Variants in EHHADH observed in about 807,000 individuals in gnomAD.
EHHADH encodes the protein enoyl-CoA hydratase and 3-hydroxyacyl CoA dehydrogenase.
A neutral mutation model predicts 64.4 loss-of-function variants in EHHADH; 48 were observed. That is an observed-to-expected ratio of 0.75 (90% CI 0.59 to 0.95). The LOEUF is 0.95. EHHADH is among the 40% of genes least tolerant of loss of function. The probability of loss-of-function intolerance (pLI) is 0.00; values close to 1 mark genes in which losing one functional copy is unlikely to be tolerated. For missense variants in EHHADH, 854 were observed against 876.6 expected, an observed-to-expected ratio of 0.97 and a Z score of 0.33; for synonymous variants, 308 against 326.7, an observed-to-expected ratio of 0.94 and a Z score of 0.62.
chr3:185,193,057 G>T lies in EHHADH; in HGVS notation c.1341C>A (p.Pro447=). The T allele has an allele frequency of 6.2e-7, 1 of 1,614,130 alleles. No individual in the cohort carries two copies. Among genetic ancestry groups the T allele is most frequent in the Non-Finnish European group, 8.5e-7 (1 of 1,180,026 alleles). The change falls in exon 7 of 7, where the codon CCC becomes CCA. Residue 447 remains proline (P), a synonymous_variant. Transcript: ENST00000231887. Reference sequence around the variant, plus strand: ...TGGTAGTGGGGGAAGAGTATTGGCTGGGAATAACCTCTAACAACTTCATGA... The same window carrying T: ...TGGTAGTGGGGGAAGAGTATTGGCTTGGAATAACCTCTAACAACTTCATGA... The part of the protein sequence containing the change: ...AHVMKLLEVI[P]SQYSSPTTIA...
chr3:185,245,270 A>T (rs1245666753), intron 2 of EHHADH, among the ~76,000 whole-genome samples: 7 of 152,234 alleles, frequency 4.6e-5, no homozygotes, highest in Non-Finnish European at 7.3e-5. Context: ...GACAGTTGTT[A>T]AAGTAGTCTA....
rs577305048 is a variant in EHHADH at position 185,246,769 on chromosome 3, C to A, written c.178+1645G>T. On this transcript the variant is annotated intron_variant, in intron 2 of 6. Transcript: ENST00000231887. ...ATTTCTCCTCTTTATTATTTCCTTT[C>A]TTCTACTTGATTAGGGTGTATTTTA... Among the ~76,000 whole-genome samples, 3 of 152,096 alleles carry A rather than the reference C, an allele frequency of 2.0e-5. No homozygotes were observed. In the East Asian group the frequency reaches 5.8e-4, roughly 29 times the overall value.
At chr3:185,235,111 T>G (rs548682428) in intron 3 of EHHADH, among the ~76,000 whole-genome samples, 179 bp downstream of exon 3, 150 of 148,852 alleles carry the variant, frequency 1.0e-3, no homozygotes, top group African/African-American at 3.6e-3. Flanking sequence ...ACTCGGGAGG[T>G]GGAGGTTGCA....
rs1174256905 is a variant in EHHADH, at chr3:185,191,545, TCA to T, written c.*679_*680del. The stretch of plus-strand genomic sequence containing the variant: ...GATTCAACCATTTCCATATGTAACA[TCA>T]CAGAGGCTTGTCATGACAGGAAAAC... On this transcript the variant is annotated 3_prime_UTR_variant, in exon 7 of 7. Transcript: ENST00000231887. The T allele has an allele frequency of 1.3e-5, 2 of 152,194 alleles. No individual in the cohort carries two copies. The highest frequency in any genetic ancestry group is 3.8e-4 in the East Asian group (2 of 5,198). 9.4% of individuals were successfully genotyped at this position (152,194 alleles called of 1,614,324 possible).
At chr3:185,235,948 T>C (rs1392821015) in intron 2 of EHHADH, among the ~76,000 whole-genome samples, 1 of 152,148 alleles carries the variant, frequency 6.6e-6, no homozygotes, top group African/African-American at 2.4e-5. Flanking sequence ...CAGGGTAACA[T>C]GTATACATAT....
At chr3:185,238,224 G>A (rs138172241) in intron 2 of EHHADH, among the ~76,000 whole-genome samples, 753 of 152,210 alleles carry the variant, frequency 4.9e-3, no homozygotes, top group South Asian at 0.013. Flanking sequence ...AAACATATGA[G>A]TACAGGTATC....
chr3:185,249,964 G>A (rs1719701473), intron 1 of EHHADH, among the ~76,000 whole-genome samples: 1 of 152,214 alleles, frequency 6.6e-6, no homozygotes, highest in Non-Finnish European at 1.5e-5. Flanking sequence ...TGGCACCAGT[G>A]ATGGTTAGAT....
At chr3:185,230,278 A>C (rs1430032573) in intron 3 of EHHADH, among the ~76,000 whole-genome samples, 2 of 152,334 alleles carry the variant, frequency 1.3e-5, no homozygotes, top group South Asian at 4.1e-4. Context: ...TTAAATGTTA[A>C]ACATAGAGTT....
Position 185,192,544 on chromosome 3 carries a change from C to A in EHHADH, c.1854G>T (p.Glu618Asp). Reference protein sequence around the residue: ...HIEPRTISQDEILERCLYSLI... With the variant: ...HIEPRTISQDDILERCLYSLI... ...GTGAATATAAGCAGCGTTCAAGGAT[C>A]TCATCCTGGCTAATGGTACGTGGTT... Residue 618 changes from glutamate to aspartate, a missense_variant, in exon 7 of 7, where the codon GAG becomes GAT. Coordinates refer to ENST00000231887, the MANE Select transcript of EHHADH (RefSeq NM_001966.4). The A allele has an allele frequency of 6.2e-7, 1 of 1,614,218 alleles. No individual in the cohort carries two copies. The highest frequency in any genetic ancestry group is 8.5e-7 in the Non-Finnish European group (1 of 1,180,042).
In EHHADH at chr3:185,191,087, T is replaced by A. The variant is rs1180046477; in HGVS notation, c.*1139A>T. 6.6e-6 allele frequency: 1 copy of A among 152,200 alleles called. No individual in the cohort carries two copies. The highest frequency in any genetic ancestry group is 1.5e-5 in the Non-Finnish European group (1 of 68,050). The allele number at this position is 152,200 out of a possible 1,614,324, so 9.4% of individuals were successfully genotyped here. ...AGATGAATCCTGTACTCCCCATTCA[T>A]CACCCCCAATTCTAGCCTTAGGCAA... On this transcript the variant is annotated 3_prime_UTR_variant, in exon 7 of 7. Transcript: ENST00000231887.
chr3:185,203,314 A>G (rs957803507), intron 6 of EHHADH, among the ~76,000 whole-genome samples: 2 of 152,164 alleles, frequency 1.3e-5, no homozygotes, highest in Non-Finnish European at 2.9e-5. Context: ...TAAAAAGTAT[A>G]TGAGAATTTT....
chr3:185,238,872 CAA>C (rs1426689434), intron 2 of EHHADH, among the ~76,000 whole-genome samples: 1 of 152,060 alleles, frequency 6.6e-6, no homozygotes, highest in African/African-American at 2.4e-5. Context: ...GGCCAACGTC[CAA>C]AAGAGATTTC....
intron 2 of EHHADH, among the ~76,000 whole-genome samples, chr3:185,237,573 G>A (rs890552018): frequency 3.3e-5 from 5 of 152,128 alleles, no homozygotes; most frequent in South Asian, 2.1e-4. Flanking sequence ...CTTAATGCAC[G>A]TCAAATGTTA....
intron 2 of EHHADH, among the ~76,000 whole-genome samples, chr3:185,236,066 G>A (rs1719283849): frequency 6.6e-6 from 1 of 152,040 alleles, no homozygotes; most frequent in Non-Finnish European, 1.5e-5. Flanking sequence ...AAAATAACAT[G>A]TATTATGGAA....
chr3:185,242,679 C>T (rs1719489962), intron 2 of EHHADH, among the ~76,000 whole-genome samples: 1 of 152,182 alleles, frequency 6.6e-6, no homozygotes, highest in Non-Finnish European at 1.5e-5. Flanking sequence ...AGACTCAGGC[C>T]TCACCCAGCT....
At chr3:185,223,121 G>A (rs1024840964) in intron 4 of EHHADH, among the ~76,000 whole-genome samples, 2 of 152,058 alleles carry the variant, frequency 1.3e-5, no homozygotes, top group African/African-American at 4.8e-5. Flanking sequence ...TGTGCTTTGG[G>A]AGCACGTATT....
intron 5 of EHHADH, among the ~76,000 whole-genome samples, chr3:185,207,716 A>G (rs1425270456): frequency 6.6e-6 from 1 of 152,202 alleles, no homozygotes; most frequent in East Asian, 1.9e-4. Flanking sequence ...GGAGACCTCT[A>G]CAATACTTCT....
intron 5 of EHHADH, among the ~76,000 whole-genome samples, chr3:185,215,300 AC>A (rs1718652088): frequency 6.6e-6 from 1 of 152,170 alleles, no homozygotes; most frequent in African/African-American, 2.4e-5. Flanking sequence ...ATTGTGGTTT[AC>A]CCACAATGTG....
Position 185,192,717 on chromosome 3 carries a change from T to C in EHHADH, c.1681A>G (p.Ile561Val), listed in dbSNP as rs930618871. 11 of 1,614,068 alleles carry C rather than the reference T, an allele frequency of 6.8e-6. No individual in the cohort carries two copies. Among genetic ancestry groups the C allele is most frequent in the East Asian group, 2.2e-5 (1 of 44,898 alleles). ...CCTAATTCACAGAGCACATCAGGAA[T>C]TGGGCAGTACCTCCTATTACCCCTT... is the stretch of plus-strand genomic sequence containing the variant. ...RKRGNRRYCP[I>V]PDVLCELGRF... Residue 561 changes from isoleucine (I) to valine (V), a missense_variant, in exon 7 of 7, where the codon ATT becomes GTT. By Grantham distance (29) the Ile-to-Val change is conservative. Transcript: ENST00000231887.
Sources: gnomAD v4.1 joint callset for allele counts (sites outside exome capture counted in the v4.1 genomes callset) on GRCh38, gnomAD v4.1.1 for gene constraint, MANE v1.5 for transcripts, NCBI Gene and HGNC (gene_info 2026-07-23, HGNC 2026-07-21) for gene names.